CFAP44: variants seen among roughly 807,000 people sequenced by gnomAD.
CFAP44 encodes cilia and flagella associated protein 44.
A neutral mutation model predicts 216.2 loss-of-function variants in CFAP44; 134 were observed. The ratio of observed to expected loss-of-function variants is 0.62; its 90% CI spans 0.54 to 0.72. The LOEUF is 0.72. CFAP44 is among the 30% of genes least tolerant of loss of function. CFAP44 has a pLI of 0.00. For missense variants in CFAP44, 2,035 were observed against 2,182.1 expected (o/e 0.93, Z 1.34); for synonymous variants, 700 against 727.6 (o/e 0.96, Z 0.61).
At chr3:113,400,028 A>G in intron 12 of CFAP44, 28 bp from the exon 13 acceptor site, 1 of 1,438,716 alleles carries the variant, frequency 7.0e-7, no homozygotes, top group Non-Finnish European at 9.3e-7. Flanking sequence ...TAAAAGAAAA[A>G]AAATTATATA....
chr3:113,368,599 A>C (rs1041531039), intron 18 of CFAP44, among the ~76,000 whole-genome samples: 1 of 152,206 alleles, frequency 6.6e-6, no homozygotes, highest in Non-Finnish European at 1.5e-5. Context: ...AGCACTAAAC[A>C]TGGAAAGGAA....
intron 15 of CFAP44, among the ~76,000 whole-genome samples, chr3:113,391,458 C>A (rs922088333): frequency 1.3e-5 from 2 of 152,110 alleles, no homozygotes; most frequent in Non-Finnish European, 2.9e-5. Flanking sequence ...TAACACCCCA[C>A]AAGCACAGGC....
intron 1 of CFAP44, among the ~76,000 whole-genome samples, chr3:113,440,072 T>C (rs1311454990): frequency 6.6e-6 from 1 of 152,166 alleles, no homozygotes; most frequent in African/African-American, 2.4e-5. Context: ...TATTTATGTA[T>C]TTATGTATTG....
At chr3:113,399,421 A>AGACAAGGCCTGGCAC (rs1553760294) in intron 13 of CFAP44, among the ~76,000 whole-genome samples, 10 of 151,940 alleles carry the variant, frequency 6.6e-5, no homozygotes, top group Non-Finnish European at 1.3e-4. Flanking sequence ...TAGTTCTTAT[A>AGACAAGGCCTGGCAC]ATTATCTAAC....
chr3:113,353,751 A>C (rs1003772487), intron 22 of CFAP44, among the ~76,000 whole-genome samples: 1 of 149,410 alleles, frequency 6.7e-6, no homozygotes, highest in Non-Finnish European at 1.5e-5. Flanking sequence ...ACAGAGGGAG[A>C]GAGAGAACCA....
At chr3:113,401,205 AAGTT>A (rs1934131676) in intron 11 of CFAP44, 31 bp downstream of exon 11, 1 of 1,539,606 alleles carries the variant, frequency 6.5e-7, no homozygotes, top group Non-Finnish European at 8.8e-7. Context: ...TTTACTATGA[AAGTT>A]AGGAGAAAAT....
intron 10 of CFAP44, 108 bp downstream of exon 10, chr3:113,401,476 C>A (rs1934140166): frequency 7.3e-7 from 1 of 1,360,902 alleles, no homozygotes; most frequent in Non-Finnish European, 1.0e-6. Flanking sequence ...AATAAGCAAT[C>A]TCATAACACT....
At chr3:113,329,949 A>C (rs1257197848) in intron 26 of CFAP44, among the ~76,000 whole-genome samples, 2 of 152,192 alleles carry the variant, frequency 1.3e-5, no homozygotes, top group Non-Finnish European at 2.9e-5. Flanking sequence ...CCAAAACAAA[A>C]AAAAAAGTTT....
intron 28 of CFAP44, among the ~76,000 whole-genome samples, chr3:113,325,276 G>C (rs1950179337): frequency 6.8e-6 from 1 of 147,202 alleles, no homozygotes; most frequent in Non-Finnish European, 1.5e-5. Context: ...ACTCCAGCCT[G>C]GGTGACAGAG....
chr3:113,375,186 TCAGGAG>T (rs1394150248), intron 17 of CFAP44, among the ~76,000 whole-genome samples: 1 of 152,076 alleles, frequency 6.6e-6, no homozygotes, highest in Non-Finnish European at 1.5e-5. Context: ...AAGGGAAGAA[TCAGGAG>T]TTATCATTTG....
chr3:113,385,764 C>G (rs1438719202), intron 15 of CFAP44, among the ~76,000 whole-genome samples: 1 of 151,920 alleles, frequency 6.6e-6, no homozygotes, highest in Non-Finnish European at 1.5e-5. Flanking sequence ...CTCAGCCTCC[C>G]CAGTAGCTGG....
rs578195636 is a variant in CFAP44, at chr3:113,343,351, C to T, written c.3262+1165G>A. Among the ~76,000 whole-genome samples, 3 of 152,210 alleles carry T rather than the reference C, an allele frequency of 2.0e-5. No homozygotes were observed. In the East Asian group the frequency reaches 5.8e-4, roughly 29 times the overall value. On this transcript the variant is annotated intron_variant, in intron 23 of 34. Coordinates refer to ENST00000393845, the MANE Select transcript of CFAP44 (RefSeq NM_001164496.2). ...GTGCTGGGATTACAAGTGTGAGCCA[C>T]CACACCTGGTCTACTAACAAGTTCC...
At position 113,352,788 on chromosome 3, in the gene CFAP44, T is replaced by C. The variant is rs547729796; in HGVS notation, c.3065+5957A>G. On this transcript the variant is annotated intron_variant, in intron 22 of 34. Coordinates refer to ENST00000393845, the MANE Select transcript of CFAP44 (RefSeq NM_001164496.2). ...GAAAGGAAATGCTGAACCCCACCAA[T>C]AATAAAAAGGATGCAGATTATTCAA... Among the ~76,000 whole-genome samples the C allele has an allele frequency of 3.4e-4, 52 of 152,256 alleles. 1 individual carries two copies. The South Asian group carries it at 0.011, about 31-fold the overall frequency.
chr3:113,364,272 T>C (rs1950568150), intron 19 of CFAP44, among the ~76,000 whole-genome samples: 1 of 152,160 alleles, frequency 6.6e-6, no homozygotes. Context: ...TAAATAAAAC[T>C]AAACTTTATT....
Position 113,286,957 on chromosome 3 carries a change from T to C in CFAP44, c.*4600A>G, listed in dbSNP as rs966299542. The C allele has an allele frequency of 8.5e-7, 1 of 1,176,710 alleles. No homozygotes were observed. Among genetic ancestry groups the C allele is most frequent in the African/African-American group, 1.6e-5 (1 of 63,592 alleles). 72.9% of individuals were successfully genotyped at this position (1,176,710 alleles called of 1,614,324 possible). ...CAGAGAAAATTGGTATTTATTTTTC[T>C]ATTATAGCCATATTTATATATTTAT... On this transcript the variant is annotated 3_prime_UTR_variant, in exon 35 of 35. Coordinates refer to ENST00000393845, the MANE Select transcript of CFAP44 (RefSeq NM_001164496.2).
chr3:113,349,597 A>G (rs891034161), intron 22 of CFAP44, among the ~76,000 whole-genome samples: 2 of 152,212 alleles, frequency 1.3e-5, no homozygotes, highest in African/African-American at 4.8e-5. Flanking sequence ...TCCCTTGCCC[A>G]TGTCCACTAT....
At chr3:113,414,789 G>A (rs1045853656) in intron 6 of CFAP44, among the ~76,000 whole-genome samples, 6 of 152,014 alleles carry the variant, frequency 3.9e-5, no homozygotes, top group Non-Finnish European at 5.9e-5. Context: ...TTTTTGCATC[G>A]ATGTTCATCA....
Position 113,305,030 on chromosome 3 carries a change from C to A in CFAP44, c.4875+6G>T, listed in dbSNP as rs1354995417. On this transcript the variant is annotated splice_donor_region_variant and intron_variant, in intron 31 of 34. Coordinates refer to ENST00000393845, the MANE Select transcript of CFAP44 (RefSeq NM_001164496.2). Reference sequence around the variant, plus strand: ...CAGGATGGAGCAGCCTCCCCAGACGCATCACCTGGTGGAGCTTGAGCGGAA... The same window carrying A: ...CAGGATGGAGCAGCCTCCCCAGACGAATCACCTGGTGGAGCTTGAGCGGAA... 21 of 1,536,822 alleles carry A rather than the reference C, an allele frequency of 1.4e-5. No individual in the cohort carries two copies. Among genetic ancestry groups the A allele is most frequent in the Non-Finnish European group, 5.2e-6 (6 of 1,146,676 alleles).
At position 113,388,170 on chromosome 3, in the gene CFAP44, C is replaced by T. The variant is rs564092029; in HGVS notation, c.1891-7110G>A. Among the ~76,000 whole-genome samples the T allele has an allele frequency of 1.8e-4, 27 of 152,144 alleles. No individual in the cohort carries two copies. In the South Asian group the frequency reaches 5.4e-3, roughly 30 times the overall value. On this transcript the variant is annotated intron_variant, in intron 15 of 34. Transcript: ENST00000393845. ...CTTCACCACCTGCTGACTGTAGAGA[C>T]CTAGGGACTTGAGCAAACATAGGCA...
Sources: allele counts gnomAD v4.1 joint callset (sites outside exome capture counted in the v4.1 genomes callset), GRCh38; gene constraint gnomAD v4.1.1; transcripts MANE v1.5; gene names NCBI Gene and HGNC (gene_info 2026-07-23, HGNC 2026-07-21).